Variants in CERT1 observed in about 807,000 individuals in gnomAD.
CERT1 encodes ceramide transfer protein.
CERT1 carries 31 observed loss-of-function variants against 87.9 expected under a neutral mutation model. That is an observed-to-expected ratio of 0.35 (90% CI 0.27 to 0.48). The LOEUF (loss-of-function observed/expected upper bound fraction) is 0.48. Among genes scored for constraint, CERT1 ranks in the 20% least tolerant of loss-of-function variants. CERT1 has a pLI of 0.99. For missense variants in CERT1, 487 were observed against 758.0 expected, an observed-to-expected ratio of 0.64 and a Z score of 4.20; for synonymous variants, 289 against 250.9, an observed-to-expected ratio of 1.15 and a Z score of -1.44.
intron 4 of CERT1, 55 bp from the exon 5 acceptor site, chr5:75,425,554 T>C (rs1041889446): frequency 3.8e-6 from 6 of 1,563,844 alleles, no homozygotes; most frequent in South Asian, 1.2e-5. Flanking sequence ...CTGGATTTCA[T>C]GTGGTCCTAT....
rs1762670194 is a variant in CERT1, at chr5:75,405,601, A to T, written c.931-2543T>A. Among the ~76,000 whole-genome samples the T allele has an allele frequency of 2.6e-5, 4 of 152,096 alleles. No individual in the cohort carries two copies. The South Asian group carries it at 8.3e-4, about 32-fold the overall frequency. On this transcript the variant is annotated intron_variant, in intron 8 of 16. Coordinates refer to ENST00000643780, the MANE Select transcript of CERT1 (RefSeq NM_001379029.1). ...TGGATTCCTTCCTTTTCCCTCATTC[A>T]ATCATCACACCCTTCAATTCTACTT...
chr5:75,372,236 C>T (rs1460051030), intron 17 of CERT1: 1 of 152,232 alleles, frequency 6.6e-6, no homozygotes, highest in East Asian at 1.9e-4. Flanking sequence ...AAATGGCAAA[C>T]AGAGAAACAT....
chr5:75,402,757 G>A (rs1030846131), intron 9 of CERT1: 6 of 313,868 alleles, frequency 1.9e-5, no homozygotes, highest in East Asian at 1.2e-4. Context: ...CCGAGATCGC[G>A]CCACTGCATT....
chr5:75,400,243 C>T lies in CERT1; in HGVS notation c.1072G>A (p.Ala358Thr), dbSNP rs753220229. Residue 358 changes from alanine (A) to threonine (T), a missense_variant, in exon 10 of 17, where the codon GCC becomes ACC. Transcript: ENST00000643780. ...HWPTSLPSGDAFSSVGTHRFV... is the reference protein window; with the variant it reads ...HWPTSLPSGDTFSSVGTHRFV... ...CTATGTGTCCCCACAGAAGAAAAGG[C>T]ATCTCCAGAGGGCAAGGATGTAGGC... 2 of 1,613,662 alleles carry T rather than the reference C, an allele frequency of 1.2e-6. No individual in the cohort carries two copies. The highest frequency in any genetic ancestry group is 2.2e-5 in the South Asian group (2 of 91,042).
At chr5:75,438,523 T>C (rs1764186663) in intron 3 of CERT1, among the ~76,000 whole-genome samples, 2 of 152,146 alleles carry the variant, frequency 1.3e-5, no homozygotes, top group African/African-American at 4.8e-5. Flanking sequence ...TTGGGGACAG[T>C]ACTTTAAAGG....
intron 2 of CERT1, among the ~76,000 whole-genome samples, chr5:75,497,314 C>T (rs1157905613): frequency 6.6e-6 from 1 of 152,166 alleles, no homozygotes; most frequent in East Asian, 1.9e-4. Flanking sequence ...ATTTGAGAGA[C>T]TACTACTATG....
rs1463930724 is a variant in CERT1 at position 75,511,575 on chromosome 5, C to T, written c.-368G>A. ...AAGAGAAAATCCGGCCGCTGAGTCC[C>T]GCGTCCACTCACACCTCCGCTACCG... On this transcript the variant is annotated 5_prime_UTR_variant, in exon 1 of 17. Transcript: ENST00000643780. 12 of 1,461,134 alleles carry T rather than the reference C, an allele frequency of 8.2e-6. No homozygotes were observed. The highest frequency in any genetic ancestry group is 2.5e-4 in the Middle Eastern group (1 of 3,992). 90.5% of individuals were successfully genotyped at this position (1,461,134 alleles called of 1,614,324 possible).
chr5:75,426,550 G>A, intron 3 of CERT1, 72 bp from the exon 4 acceptor site: 2 of 1,059,640 alleles, frequency 1.9e-6, no homozygotes, highest in Non-Finnish European at 2.8e-6. Context: ...GGTTTCCTAT[G>A]AATTAACAAG....
chr5:75,454,578 T>C (rs890358647), intron 3 of CERT1, among the ~76,000 whole-genome samples: 12 of 152,072 alleles, frequency 7.9e-5, no homozygotes, highest in African/African-American at 2.4e-4. Flanking sequence ...GAACATACAG[T>C]GCGGTGGTGT....
chr5:75,378,649 A>C lies in CERT1; in HGVS notation c.*697T>G, dbSNP rs549610871. On this transcript the variant is annotated 3_prime_UTR_variant, in exon 17 of 17. Transcript: ENST00000643780. ...ATTGTTAAGTGAAAAAAAGGTTATA[A>C]AACAAGAATTTTGTATAATAGTAAG... 6.6e-6 allele frequency: 1 copy of C among 152,364 alleles called. No individual in the cohort carries two copies. The highest frequency in any genetic ancestry group is 1.5e-5 in the Non-Finnish European group (1 of 68,034). 9.4% of individuals were successfully genotyped at this position (152,364 alleles called of 1,614,324 possible). A position where few individuals can be genotyped will look rare whatever the true frequency, so the allele number is the denominator to read the frequency against.
intron 2 of CERT1, among the ~76,000 whole-genome samples, chr5:75,476,667 G>C (rs1436305442): frequency 6.6e-6 from 1 of 152,120 alleles, no homozygotes; most frequent in Non-Finnish European, 1.5e-5. Context: ...CTAGAGCAAA[G>C]GTAGTTAGGT....
chr5:75,494,824 G>A (rs188361875), intron 2 of CERT1, among the ~76,000 whole-genome samples: 55 of 152,184 alleles, frequency 3.6e-4, no homozygotes, highest in Middle Eastern at 3.4e-3. Flanking sequence ...CCTGTCTTTT[G>A]GGATTTCGAC....
Position 75,468,461 on chromosome 5 carries a change from C to A in CERT1, c.232-9280G>T, listed in dbSNP as rs1178792296. 2.0e-5 allele frequency among the ~76,000 whole-genome samples: 3 copies of A among 152,214 alleles called. No homozygotes were observed. The South Asian group carries it at 6.2e-4, about 32-fold the overall frequency. On this transcript the variant is annotated intron_variant, in intron 2 of 16. Coordinates refer to ENST00000643780, the MANE Select transcript of CERT1 (RefSeq NM_001379029.1). ...CAGTAAAAATCCAGTGCCAGGCAGACCCCTCATGGTAACTGAATCCAGGTT... is the reference window on the plus strand; with the variant it reads ...CAGTAAAAATCCAGTGCCAGGCAGAACCCTCATGGTAACTGAATCCAGGTT...
intron 2 of CERT1, among the ~76,000 whole-genome samples, chr5:75,469,208 A>C (rs919119495): frequency 1.3e-5 from 2 of 152,068 alleles, no homozygotes; most frequent in African/African-American, 4.8e-5. Flanking sequence ...TAGCAAAATC[A>C]AAGAAGCAAA....
In CERT1 at chr5:75,388,640, A is replaced by C. The variant is rs796121664; in HGVS notation, c.1284+952T>G. ...TATATATATATATATATATATATAT[A>C]TCTCACACAGGGTCTCACTTTGTGA... On this transcript the variant is annotated intron_variant, in intron 12 of 16. Transcript: ENST00000643780. Among the ~76,000 whole-genome samples the C allele has an allele frequency of 1.7e-3, 183 of 109,940 alleles. 2 individuals carry two copies. The highest frequency in any genetic ancestry group is 4.8e-3 in the African/African-American group (143 of 29,758). 72.1% of individuals were successfully genotyped at this position (109,940 alleles called of 152,430 possible).
intron 2 of CERT1, among the ~76,000 whole-genome samples, chr5:75,462,646 TGACA>T (rs1301640981): frequency 2.0e-5 from 3 of 151,804 alleles, no homozygotes; most frequent in Admixed American, 6.6e-5. Flanking sequence ...AAAAGAGGGC[TGACA>T]GAGTTAAAAA....
At position 75,454,786 on chromosome 5, in the gene CERT1, C is replaced by T. The variant is rs561303460; in HGVS notation, c.348+4279G>A. Among the ~76,000 whole-genome samples the T allele has an allele frequency of 4.6e-5, 7 of 152,334 alleles. No individual in the cohort carries two copies. In the South Asian group the frequency reaches 1.0e-3, roughly 23 times the overall value. On this transcript the variant is annotated intron_variant, in intron 3 of 16. Coordinates refer to ENST00000643780, the MANE Select transcript of CERT1 (RefSeq NM_001379029.1). ...GAAGCAAATTGGAAAGGTGAAAAAA[C>T]TCAATTAAGTGGATGCCTCATGAGC... is the stretch of plus-strand genomic sequence containing the variant.
chr5:75,385,842 G>C, intron 13 of CERT1, 60 bp downstream of exon 13: 2 of 1,251,466 alleles, frequency 1.6e-6, no homozygotes, highest in Non-Finnish European at 2.1e-6. Flanking sequence ...AGAAAACTAG[G>C]TTGGATTTGA....
Position 75,396,464 on chromosome 5 carries a change from T to C in CERT1, c.1188+2846A>G, listed in dbSNP as rs181208442. On this transcript the variant is annotated intron_variant, in intron 11 of 16. Transcript: ENST00000643780. Reference sequence around the variant, plus strand: ...GATGTAGGCCAGGTGTGGCGGCTCATGCCTGTAATCCCAGCACTTTGGGAG... The same window carrying C: ...GATGTAGGCCAGGTGTGGCGGCTCACGCCTGTAATCCCAGCACTTTGGGAG... Among the ~76,000 whole-genome samples the C allele has an allele frequency of 2.1e-3, 317 of 152,160 alleles. 1 individual carries two copies. The East Asian group carries it at 0.027, about 13-fold the overall frequency.
Sources: gnomAD v4.1 joint callset for allele counts (sites outside exome capture counted in the v4.1 genomes callset) on GRCh38, gnomAD v4.1.1 for gene constraint, MANE v1.5 for transcripts, NCBI Gene and HGNC (gene_info 2026-07-23, HGNC 2026-07-21) for gene names.